The following CSMD1 variants were observed in gnomAD, a reference collection of about 807,000 sequenced individuals.
CSMD1 encodes the protein CUB and sushi domain-containing protein 1.
In CSMD1, 213 loss-of-function variants were observed where a neutral mutation model predicts 417.5. The observed-to-expected ratio is 0.51, with a 90% CI of 0.46 to 0.57. The LOEUF (loss-of-function observed/expected upper bound fraction) is 0.57, where lower values mean the gene tolerates loss of function less well. CSMD1 is among the 20% of genes least tolerant of loss of function. The pLI, the probability that CSMD1 is intolerant of heterozygous loss-of-function variation, is 0.00. For synonymous variants in CSMD1, 2,862 were observed against 1,736.8 expected (o/e 1.65, Z -16.11); for missense variants, 6,923 against 4,529.7 (o/e 1.53, Z -15.17).
intron 7 of CSMD1, among the ~76,000 whole-genome samples, chr8:3,677,427 G>C (rs762105444): frequency 6.6e-6 from 1 of 152,158 alleles, no homozygotes; most frequent in Non-Finnish European, 1.5e-5. Flanking sequence ...AAACAAACCT[G>C]ATCCCACAGT....
At chr8:4,717,575 C>T (rs1214592340) in intron 1 of CSMD1, among the ~76,000 whole-genome samples, 1 of 149,786 alleles carries the variant, frequency 6.7e-6, no homozygotes, top group African/African-American at 2.5e-5. Context: ...TCCATCCATC[C>T]ATCCATCCAT....
At chr8:3,022,843 G>C (rs1809552642) in intron 51 of CSMD1, among the ~76,000 whole-genome samples, 2 of 152,154 alleles carry the variant, frequency 1.3e-5, no homozygotes, top group Admixed American at 1.3e-4. Flanking sequence ...ATAGATCAGA[G>C]TCAGGAATTG....
chr8:3,237,814 CTTATACTACAAGTATA>C lies in CSMD1; in HGVS notation c.4154-7599_4154-7584del, dbSNP rs1563171791. On this transcript the variant is annotated intron_variant, in intron 26 of 69. Coordinates refer to ENST00000635120, the MANE Select transcript of CSMD1 (RefSeq NM_033225.6). ...TACAAGTATAATTTTTATAATTATA[CTTATACTACAAGTATA>C]ATTTTTATAATTATACTTATACTAT... is the stretch of plus-strand genomic sequence containing the variant. 6.1e-4 allele frequency among the ~76,000 whole-genome samples: 69 copies of C among 112,928 alleles called. 1 individual carries two copies. Among genetic ancestry groups the C allele is most frequent in the Non-Finnish European group, 8.1e-4 (46 of 56,590 alleles). 74.1% of individuals were successfully genotyped at this position (112,928 alleles called of 152,430 possible).
intron 1 of CSMD1, among the ~76,000 whole-genome samples, chr8:4,980,712 G>A (rs962559379): frequency 1.3e-5 from 2 of 152,046 alleles, no homozygotes; most frequent in African/African-American, 4.8e-5. Context: ...AGACCAGCGT[G>A]GACAACAGGA....
At chr8:4,555,961 T>C (rs1723292380) in intron 2 of CSMD1, among the ~76,000 whole-genome samples, 1 of 152,148 alleles carries the variant, frequency 6.6e-6, no homozygotes, top group Non-Finnish European at 1.5e-5. Context: ...AGTGAATTTC[T>C]TTTTCTATAT....
Position 3,288,961 on chromosome 8 carries a change from T to G in CSMD1, c.3951-4615A>C, listed in dbSNP as rs926923744. On this transcript the variant is annotated intron_variant, in intron 25 of 69. Coordinates refer to ENST00000635120, the MANE Select transcript of CSMD1 (RefSeq NM_033225.6). ...ATTTAACATTAGGTATATCTCCTAA[T>G]GCTATCCCTCCCCACTCCCCCTACC... Among the ~76,000 whole-genome samples the G allele has an allele frequency of 3.4e-5, 5 of 146,766 alleles. 1 individual carries two copies. The highest frequency in any genetic ancestry group is 8.2e-5 in the African/African-American group (3 of 36,572).
At chr8:4,390,658 C>T (rs1803788783) in intron 3 of CSMD1, among the ~76,000 whole-genome samples, 1 of 151,952 alleles carries the variant, frequency 6.6e-6, no homozygotes, top group African/African-American at 2.4e-5. Context: ...GGACGACAGG[C>T]ACCCCCCACC....
chr8:4,544,389 G>A (rs1454367305), intron 2 of CSMD1, among the ~76,000 whole-genome samples: 2 of 151,776 alleles, frequency 1.3e-5, no homozygotes, highest in African/African-American at 2.4e-5. Flanking sequence ...AAAATCTATT[G>A]TTACTTTTAT....
At chr8:4,959,066 T>C (rs1053745833) in intron 1 of CSMD1, among the ~76,000 whole-genome samples, 1 of 152,332 alleles carries the variant, frequency 6.6e-6, no homozygotes, top group South Asian at 2.1e-4. Flanking sequence ...AAATGGAAGA[T>C]GATTTCATCT....
chr8:3,386,490 C>T (rs905500), intron 18 of CSMD1, among the ~76,000 whole-genome samples: 111 of 152,152 alleles, frequency 7.3e-4, no homozygotes, highest in Non-Finnish European at 1.4e-3. Context: ...TGTGTGGGTT[C>T]GTGCTTTGGT....
At chr8:3,871,105 G>C (rs1364335733) in intron 5 of CSMD1, among the ~76,000 whole-genome samples, 1 of 151,818 alleles carries the variant, frequency 6.6e-6, no homozygotes, top group African/African-American at 2.4e-5. Context: ...CCTATTAATA[G>C]ACATCTAGAA....
At chr8:4,428,300 C>G (rs1334736562) in intron 2 of CSMD1, among the ~76,000 whole-genome samples, 1 of 152,210 alleles carries the variant, frequency 6.6e-6, no homozygotes, top group Non-Finnish European at 1.5e-5. Flanking sequence ...AAGACAACTA[C>G]TTCACATCTA....
chr8:3,821,310 A>T (rs981915527), intron 5 of CSMD1, among the ~76,000 whole-genome samples: 1 of 152,210 alleles, frequency 6.6e-6, no homozygotes, highest in Non-Finnish European at 1.5e-5. Context: ...AGTCATTATT[A>T]TTCTCAAGTA....
At chr8:3,329,282 C>A (rs1181812639) in intron 23 of CSMD1, among the ~76,000 whole-genome samples, 1 of 152,048 alleles carries the variant, frequency 6.6e-6, no homozygotes, top group Non-Finnish European at 1.5e-5. Flanking sequence ...ACATTTCCAG[C>A]AAGCAAAGGG....
At chr8:3,456,836 T>A (rs1202831180) in intron 12 of CSMD1, among the ~76,000 whole-genome samples, 1 of 152,122 alleles carries the variant, frequency 6.6e-6, no homozygotes, top group Non-Finnish European at 1.5e-5. Context: ...ACAAACTGGA[T>A]GCAGAACTGA....
rs375015688 is a variant in CSMD1, at chr8:3,367,042, G to C, written c.3105C>G (p.Ile1035Met). ...DFSISYEGFNITFSEYDLEPC... is the reference protein window; with the variant it reads ...DFSISYEGFNMTFSEYDLEPC... ...ACAAGACCAACATACCTGAAAATGT[G>C]ATATTGAAGCCCTCGTACGAAATTG... The change falls in exon 20 of 70, where the codon ATC becomes ATG. Residue 1035 changes from isoleucine (I) to methionine (M), a missense_variant. Physicochemically the swap from Ile to Met is conservative, Grantham distance 10. Coordinates refer to ENST00000635120, the MANE Select transcript of CSMD1 (RefSeq NM_033225.6). The C allele has an allele frequency of 1.2e-6, 2 of 1,612,700 alleles. No individual in the cohort carries two copies. Among genetic ancestry groups the C allele is most frequent in the South Asian group, 2.2e-5 (2 of 90,910 alleles).
chr8:3,755,222 G>A (rs908405626), intron 5 of CSMD1, among the ~76,000 whole-genome samples: 1 of 152,198 alleles, frequency 6.6e-6, no homozygotes, highest in African/African-American at 2.4e-5. Context: ...ATACAGGATT[G>A]CGTGCTGGCT....
chr8:3,038,741 A>T (rs970243188), intron 50 of CSMD1, among the ~76,000 whole-genome samples: 1 of 152,120 alleles, frequency 6.6e-6, no homozygotes, highest in African/African-American at 2.4e-5. Context: ...TAATTATAAA[A>T]TTTTTTCTTA....
At chr8:3,798,650 ACATT>A (rs1031437010) in intron 5 of CSMD1, among the ~76,000 whole-genome samples, 3 of 152,136 alleles carry the variant, frequency 2.0e-5, no homozygotes, top group African/African-American at 7.2e-5. Context: ...AAAAATACAT[ACATT>A]TATTCAAGAA....
Sources: allele counts gnomAD v4.1 joint callset (sites outside exome capture counted in the v4.1 genomes callset), GRCh38; gene constraint gnomAD v4.1.1; transcripts MANE v1.5; gene names NCBI Gene and HGNC (gene_info 2026-07-23, HGNC 2026-07-21).